AOX1: variants seen among roughly 807,000 people sequenced by gnomAD.
AOX1 encodes the protein aldehyde oxidase 1.
AOX1 carries 153 observed loss-of-function variants against 169.5 expected under a neutral mutation model. The ratio of observed to expected loss-of-function variants is 0.90; its 90% CI spans 0.79 to 1.03. The LOEUF is 1.03. Among genes scored for constraint, AOX1 ranks in the 50% least tolerant of loss-of-function variants. The probability of loss-of-function intolerance (pLI) is 0.00; values close to 1 mark genes in which losing one functional copy is unlikely to be tolerated. For missense variants in AOX1, 1,656 were observed against 1,663.9 expected (o/e 1.00, Z 0.08); for synonymous variants, 562 against 581.9 (o/e 0.97, Z 0.49).
chr2:200,662,951 C>T lies in AOX1; in HGVS notation c.3525C>T (p.Cys1175=). 1.2e-6 allele frequency: 2 copies of T among 1,613,918 alleles called. No homozygotes were observed. Residue 1175 remains cysteine, a synonymous_variant, in exon 31 of 35, where the codon TGC becomes TGT. Coordinates refer to ENST00000374700, the MANE Select transcript of AOX1 (RefSeq NM_001159.4). ...GAACSEVEID[C]LTGDHKNIRT... is the part of the protein sequence containing the mutation. Reference sequence around the variant, plus strand: ...CCTGTTCCGAGGTTGAAATAGACTGCCTGACGGGGGATCATAAGGTCAGTA... The same window carrying T: ...CCTGTTCCGAGGTTGAAATAGACTGTCTGACGGGGGATCATAAGGTCAGTA...
exon 5 of AOX1, chr2:200,676,999 G>A (rs941748735): frequency 2.2e-6 from 1 of 461,468 alleles, no homozygotes; most frequent in African/African-American, 2.0e-5. Flanking sequence ...AACTTGGTTT[G>A]TTTGTATGTG....
intron 12 of AOX1, among the ~76,000 whole-genome samples, chr2:200,609,710 C>A (rs1056333076): frequency 2.0e-5 from 3 of 152,144 alleles, no homozygotes; most frequent in Non-Finnish European, 2.9e-5. Flanking sequence ...CTGGGAACTA[C>A]ATACTATTGA....
At chr2:200,669,166 G>A (rs948985390) in intron 33 of AOX1, among the ~76,000 whole-genome samples, 32 of 152,150 alleles carry the variant, frequency 2.1e-4, no homozygotes, top group African/African-American at 7.0e-4. Flanking sequence ...TATATAGGCC[G>A]GGCGCAGTGG....
rs1163911513 is a variant in AOX1 at position 200,634,824 on chromosome 2, A to G, written c.2255A>G (p.Tyr752Cys). The change falls in exon 21 of 35, where the codon TAT becomes TGT. Residue 752 changes from tyrosine (Y) to cysteine (C), a missense_variant. Coordinates refer to ENST00000374700, the MANE Select transcript of AOX1 (RefSeq NM_001159.4). ...EIHMGGQEHF[Y>C]METQSMLVVP... ...CATATGGGAGGTCAAGAACATTTTTATATGGAAACCCAAAGCATGCTTGTC... is the reference window on the plus strand; with the variant it reads ...CATATGGGAGGTCAAGAACATTTTTGTATGGAAACCCAAAGCATGCTTGTC... 3 of 1,614,058 alleles carry G rather than the reference A, an allele frequency of 1.9e-6. No individual in the cohort carries two copies. The highest frequency in any genetic ancestry group is 2.5e-6 in the Non-Finnish European group (3 of 1,179,964).
chr2:200,646,745 A>C (rs547455898), intron 25 of AOX1, among the ~76,000 whole-genome samples: 415 of 152,176 alleles, frequency 2.7e-3, no homozygotes, highest in Non-Finnish European at 4.8e-3. Context: ...CTCCAGTGTT[A>C]GGTGTGTATA....
intron 19 of AOX1, among the ~76,000 whole-genome samples, chr2:200,625,760 T>G (rs956627317): frequency 6.6e-6 from 1 of 152,016 alleles, no homozygotes; most frequent in East Asian, 1.9e-4. Flanking sequence ...AAAACCTAGC[T>G]TTTTTTTCAA....
chr2:200,626,246 A>G (rs1415503561), intron 19 of AOX1, among the ~76,000 whole-genome samples: 6 of 152,248 alleles, frequency 3.9e-5, no homozygotes, highest in Admixed American at 6.5e-5. Flanking sequence ...CACTCTGTCA[A>G]AGAACCTGGG....
chr2:200,606,378 T>G (rs2034514300), intron 10 of AOX1, among the ~76,000 whole-genome samples: 1 of 152,228 alleles, frequency 6.6e-6, no homozygotes, highest in Non-Finnish European at 1.5e-5. Flanking sequence ...GCTGTTTTGG[T>G]TACTGTAGTC....
intron 27 of AOX1, among the ~76,000 whole-genome samples, chr2:200,657,190 A>ATATATATATTTTTTTTTTTT: frequency 4.8e-5 from 3 of 62,880 alleles, no homozygotes; most frequent in African/African-American, 1.6e-4. Flanking sequence ...ATATATATAT[A>ATATATATATTTTTTTTTTTT]TTTTTTTTTT....
At chr2:200,604,272 G>T (rs2105699104) in intron 8 of AOX1, among the ~76,000 whole-genome samples, 175 bp downstream of exon 8, 1 of 152,264 alleles carries the variant, frequency 6.6e-6, no homozygotes, top group Admixed American at 6.5e-5. Context: ...AATGGGGGTG[G>T]GGTCCCCATG....
At position 200,604,781 on chromosome 2, in the gene AOX1, T is replaced by G. The variant is rs751193616; in HGVS notation, c.755T>G (p.Leu252Arg). 6.2e-7 allele frequency: 1 copy of G among 1,613,984 alleles called. No individual in the cohort carries two copies. The highest frequency in any genetic ancestry group is 1.1e-5 in the South Asian group (1 of 91,072). ...MWFSPVTLKE[L>R]LEFKFKYPQA... ...TTTTCCCCCGTGACCCTGAAGGAAC[T>G]GCTGGAATTTAAATTCAAGTATCCC... The change falls in exon 9 of 35, where the codon CTG becomes CGG. Residue 252 changes from leucine to arginine, a missense_variant. Leu to Arg is a moderately radical substitution (Grantham distance 102). Coordinates refer to ENST00000374700, the MANE Select transcript of AOX1 (RefSeq NM_001159.4).
chr2:200,648,737 AGACT>A, intron 25 of AOX1, among the ~76,000 whole-genome samples: 1 of 152,258 alleles, frequency 6.6e-6, no homozygotes, highest in East Asian at 1.9e-4. Flanking sequence ...GTCTGAGCTC[AGACT>A]GTCCTTGGGT....
Position 200,669,182 on chromosome 2 carries a change from G to A in AOX1, c.3798+379G>A, listed in dbSNP as rs143468538. On this transcript the variant is annotated intron_variant, in intron 33 of 34. Coordinates refer to ENST00000374700, the MANE Select transcript of AOX1 (RefSeq NM_001159.4). ...ATATAGGCCGGGCGCAGTGGCTCAT[G>A]CCTATAATCCAAGCACTTTGGGAGG... Among the ~76,000 whole-genome samples, 1,193 of 152,292 alleles carry A rather than the reference G, an allele frequency of 7.8e-3. 14 individuals carry two copies. The highest frequency in any genetic ancestry group is 0.027 in the African/African-American group (1,106 of 41,562).
At chr2:200,661,518 G>A in intron 29 of AOX1, 61 bp from the exon 30 acceptor site, 1 of 1,315,980 alleles carries the variant, frequency 7.6e-7, no homozygotes, top group Non-Finnish European at 1.1e-6. Flanking sequence ...TAAAATTGAA[G>A]TCTTGAGTGA....
chr2:200,651,641 T>C (rs2035581639), intron 26 of AOX1, among the ~76,000 whole-genome samples: 1 of 152,128 alleles, frequency 6.6e-6, no homozygotes, highest in Non-Finnish European at 1.5e-5. Context: ...GCTCCACTCC[T>C]TCTGGGTGGG....
chr2:200,608,818 A>G (rs2034569293), intron 10 of AOX1, among the ~76,000 whole-genome samples, 166 bp from the exon 11 acceptor site: 1 of 151,964 alleles, frequency 6.6e-6, no homozygotes, highest in African/African-American at 2.4e-5. Context: ...CATTACTACC[A>G]TTACCTTCAT....
Position 200,609,033 on chromosome 2 carries a change from G to A in AOX1, c.957G>A (p.Leu319=). ...GCCTAGCCCAGGTGAAGGACATTTTGGCTGATGTAGTCCAGAAGCTTCCAG... is the reference window on the plus strand; with the variant it reads ...GCCTAGCCCAGGTGAAGGACATTTTAGCTGATGTAGTCCAGAAGCTTCCAG... The part of the protein sequence containing the change: ...GLSLAQVKDI[L]ADVVQKLPEE... Residue 319 remains leucine (L), a synonymous_variant, in exon 11 of 35, where the codon TTG becomes TTA. Transcript: ENST00000374700. 2 of 1,614,080 alleles carry A rather than the reference G, an allele frequency of 1.2e-6. No individual in the cohort carries two copies. Among genetic ancestry groups the A allele is most frequent in the Non-Finnish European group, 1.7e-6 (2 of 1,179,994 alleles).
intron 23 of AOX1, 27 bp downstream of exon 23, chr2:200,638,329 G>T (rs779458793): frequency 6.2e-7 from 1 of 1,602,982 alleles, no homozygotes; most frequent in South Asian, 1.1e-5. Context: ...ATGGAGGAAG[G>T]ATTTATGTTG....
At chr2:200,674,890 C>A (rs1047584046), downstream of AOX1, among the ~76,000 whole-genome samples, 1 of 152,198 alleles carries the variant, frequency 6.6e-6, no homozygotes, top group Non-Finnish European at 1.5e-5. Flanking sequence ...GCCTTTCCTG[C>A]CTGCAAGATC....
Sources: allele counts gnomAD v4.1 joint callset (sites outside exome capture counted in the v4.1 genomes callset), GRCh38; gene constraint gnomAD v4.1.1; transcripts MANE v1.5; gene names NCBI Gene and HGNC (gene_info 2026-07-23, HGNC 2026-07-21).